The following PLEKHA6 variants were observed in gnomAD, a reference collection of about 807,000 sequenced individuals.
The protein encoded by PLEKHA6 is pleckstrin homology domain-containing family A member 6.
PLEKHA6 carries 60 observed loss-of-function variants against 116.7 expected under a neutral mutation model. The ratio of observed to expected loss-of-function variants is 0.51; its 90% CI spans 0.42 to 0.64. PLEKHA6 has a LOEUF of 0.64. PLEKHA6 is among the 30% of genes least tolerant of loss of function. The pLI, the probability that PLEKHA6 is intolerant of heterozygous loss-of-function variation, is 0.00. For missense variants in PLEKHA6, 1,338 were observed against 1,422.7 expected, an observed-to-expected ratio of 0.94 and a Z score of 0.96; for synonymous variants, 489 against 556.1, an observed-to-expected ratio of 0.88 and a Z score of 1.70.
intron 17 of PLEKHA6, among the ~76,000 whole-genome samples, chr1:204,235,221 A>G (rs1661865737): frequency 6.6e-6 from 1 of 151,836 alleles, no homozygotes; most frequent in Admixed American, 6.6e-5. Flanking sequence ...TTCTAATAGT[A>G]TGGAGAACAC....
chr1:204,279,211 C>T (rs1308280041), intron 1 of PLEKHA6, among the ~76,000 whole-genome samples: 1 of 152,204 alleles, frequency 6.6e-6, no homozygotes, highest in Non-Finnish European at 1.5e-5. Context: ...GGGCCTCCCA[C>T]AGCCTTTGCT....
chr1:204,250,906 C>T (rs995581760), intron 9 of PLEKHA6, among the ~76,000 whole-genome samples: 11 of 152,166 alleles, frequency 7.2e-5, no homozygotes, highest in South Asian at 4.1e-4. Flanking sequence ...CTGCTAAGAG[C>T]GACTGCAGGG....
chr1:204,264,523 C>G (rs1198046131), intron 6 of PLEKHA6, among the ~76,000 whole-genome samples: 1 of 152,012 alleles, frequency 6.6e-6, no homozygotes, highest in Non-Finnish European at 1.5e-5. Context: ...GGGGAGGAAG[C>G]CTTTCCAGAA....
Position 204,267,557 on chromosome 1 carries a change from AT to A in PLEKHA6, c.208-11del. On this transcript the variant is annotated splice_polypyrimidine_tract_variant and intron_variant, in intron 4 of 22. Coordinates refer to ENST00000272203, the MANE Select transcript of PLEKHA6 (RefSeq NM_014935.5). ...TAACCCCGGAGCTGGCCTGCGGGAC[AT>A]GGGAGAGGCAGATGTGAGGGCTGCA... is the stretch of plus-strand genomic sequence containing the variant. 1 of 1,613,374 alleles carries A rather than the reference AT, an allele frequency of 6.2e-7. No individual in the cohort carries two copies. The highest frequency in any genetic ancestry group is 8.5e-7 in the Non-Finnish European group (1 of 1,179,370).
At chr1:204,349,540 CAA>C (rs11403796) in intron 1 of PLEKHA6, among the ~76,000 whole-genome samples, 10,850 of 115,080 alleles carry the variant, frequency 0.094, 873 homozygotes, top group African/African-American at 0.25. Context: ...GACTCCATCT[CAA>C]AAAAAAAAAA....
intron 1 of PLEKHA6, among the ~76,000 whole-genome samples, chr1:204,372,064 G>A (rs61119881): frequency 9.5e-4 from 145 of 152,304 alleles, no homozygotes; most frequent in African/African-American, 3.4e-3. Context: ...GCAGCTTCTC[G>A]AATGGATAAG....
intron 1 of PLEKHA6, among the ~76,000 whole-genome samples, chr1:204,332,738 AGG>A (rs749016974): frequency 1.2e-4 from 18 of 152,152 alleles, no homozygotes; most frequent in South Asian, 4.1e-4. Flanking sequence ...CTGAAGGTCA[AGG>A]GACCTCAAGA....
chr1:204,274,912 G>C, intron 1 of PLEKHA6, 103 bp from the exon 2 acceptor site: 1 of 978,276 alleles, frequency 1.0e-6, no homozygotes, highest in Non-Finnish European at 1.2e-6. Flanking sequence ...AGGTGATCAT[G>C]TAAGGAGCTT....
chr1:204,341,013 T>C (rs757128746), intron 1 of PLEKHA6, among the ~76,000 whole-genome samples: 66 of 152,188 alleles, frequency 4.3e-4, no homozygotes, highest in African/African-American at 1.4e-3. Context: ...TGGGGAAGAC[T>C]GGGGTGCTTT....
intron 9 of PLEKHA6, among the ~76,000 whole-genome samples, chr1:204,251,028 T>A (rs1571883343): frequency 6.6e-6 from 1 of 152,160 alleles, no homozygotes; most frequent in East Asian, 1.9e-4. Flanking sequence ...TTGGGAACAG[T>A]TGAAAACTAT....
intron 1 of PLEKHA6, among the ~76,000 whole-genome samples, chr1:204,294,527 G>T (rs1670079538): frequency 6.6e-6 from 1 of 152,194 alleles, no homozygotes; most frequent in Non-Finnish European, 1.5e-5. Context: ...CCCAAAGCCA[G>T]CTTTCTTCCC....
At chr1:204,294,420 CCTG>C (rs1472461224) in intron 1 of PLEKHA6, among the ~76,000 whole-genome samples, 1 of 152,214 alleles carries the variant, frequency 6.6e-6, no homozygotes, top group African/African-American at 2.4e-5. Flanking sequence ...GTATTGCTGT[CCTG>C]CTGTTGCGGA....
At chr1:204,372,864 A>G (rs1206929024) in intron 1 of PLEKHA6, among the ~76,000 whole-genome samples, 1 of 151,292 alleles carries the variant, frequency 6.6e-6, no homozygotes, top group Non-Finnish European at 1.5e-5. Flanking sequence ...TCATACAATC[A>G]TACAATACAG....
At chr1:204,284,036 C>T (rs968607517) in intron 1 of PLEKHA6, among the ~76,000 whole-genome samples, 2 of 152,168 alleles carry the variant, frequency 1.3e-5, no homozygotes, top group Non-Finnish European at 2.9e-5. Flanking sequence ...TGCTGAATAG[C>T]GGCTGAAGGA....
chr1:204,256,852 CT>C, intron 9 of PLEKHA6: 1 of 668,958 alleles, frequency 1.5e-6, no homozygotes, highest in South Asian at 1.6e-5. Flanking sequence ...GGGAACAGTC[CT>C]GCAGGGACTG....
At chr1:204,226,024 G>T (rs1465049893) in intron 21 of PLEKHA6, among the ~76,000 whole-genome samples, 1 of 152,194 alleles carries the variant, frequency 6.6e-6, no homozygotes, top group Non-Finnish European at 1.5e-5. Flanking sequence ...CCACACGCGG[G>T]CACTGAACTC....
rs1168683526 is a variant in PLEKHA6, at chr1:204,222,407, C to T, written c.*381G>A. The T allele has an allele frequency of 6.5e-6, 1 of 152,726 alleles. No homozygotes were observed. The highest frequency in any genetic ancestry group is 1.9e-4 in the East Asian group (1 of 5,198). 9.5% of individuals were successfully genotyped at this position (152,726 alleles called of 1,614,324 possible). ...CATAAGATAGCCACAGGTGTGTTCTCCACCACGGCATGTCCCCCATCAGGG... is the reference window on the plus strand; with the variant it reads ...CATAAGATAGCCACAGGTGTGTTCTTCACCACGGCATGTCCCCCATCAGGG... On this transcript the variant is annotated 3_prime_UTR_variant, in exon 23 of 23. Coordinates refer to ENST00000272203, the MANE Select transcript of PLEKHA6 (RefSeq NM_014935.5).
At chr1:204,314,891 G>A (rs1671796428) in intron 1 of PLEKHA6, among the ~76,000 whole-genome samples, 1 of 152,140 alleles carries the variant, frequency 6.6e-6, no homozygotes, top group Admixed American at 6.5e-5. Context: ...ATTCCACAGG[G>A]GCTTCAGTGA....
intron 1 of PLEKHA6, among the ~76,000 whole-genome samples, chr1:204,290,748 C>T (rs534177761): frequency 2.0e-5 from 3 of 152,166 alleles, no homozygotes; most frequent in African/African-American, 2.4e-5. Context: ...CCAGCACTTT[C>T]GGGTGCCAAG....
Sources: gnomAD v4.1 joint callset for allele counts (sites outside exome capture counted in the v4.1 genomes callset) on GRCh38, gnomAD v4.1.1 for gene constraint, MANE v1.5 for transcripts, NCBI Gene and HGNC (gene_info 2026-07-23, HGNC 2026-07-21) for gene names.